The following ST7 variants were observed in gnomAD, a reference collection of about 807,000 sequenced individuals.
ST7 encodes the protein suppressor of tumorigenicity 7 protein.
Under a neutral mutation model 78.7 loss-of-function variants are expected in ST7, and 28 were observed. The observed-to-expected ratio is 0.36, with a 90% CI of 0.26 to 0.49. ST7 has a LOEUF of 0.49. ST7 is among the 20% of genes least tolerant of loss of function. ST7 has a pLI of 0.99. For missense variants in ST7, 418 were observed against 696.0 expected (o/e 0.60, Z 4.49); for synonymous variants, 247 against 249.6 (o/e 0.99, Z 0.10).
intron 1 of ST7, among the ~76,000 whole-genome samples, chr7:117,008,890 A>G (rs765141523): frequency 5.3e-5 from 8 of 152,134 alleles, no homozygotes; most frequent in Non-Finnish European, 1.2e-4. Context: ...TTTTTTTAAC[A>G]TTTTTAAATC....
chr7:117,075,855 G>A (rs1366865874), intron 1 of ST7, among the ~76,000 whole-genome samples: 2 of 152,042 alleles, frequency 1.3e-5, no homozygotes, highest in Non-Finnish European at 2.9e-5. Context: ...TGACCCTTCT[G>A]GCATTAAAAA....
chr7:117,077,670 A>G (rs371181724), intron 1 of ST7, among the ~76,000 whole-genome samples: 97 of 152,292 alleles, frequency 6.4e-4, no homozygotes, highest in Non-Finnish European at 1.2e-3. Flanking sequence ...GAGTTTAACC[A>G]TTTAGAATGG....
At chr7:117,043,027 T>G (rs571671718) in intron 1 of ST7, among the ~76,000 whole-genome samples, 20 of 152,312 alleles carry the variant, frequency 1.3e-4, no homozygotes, top group Admixed American at 1.3e-3. Flanking sequence ...TTAAGTAATG[T>G]TTTGAACCTC....
intron 1 of ST7, chr7:117,073,049 C>T (rs968386455): frequency 1.3e-5 from 2 of 152,194 alleles, no homozygotes; most frequent in African/African-American, 4.8e-5. Context: ...TGGCACCAGA[C>T]AGGAAACATT....
At chr7:117,132,381 A>G (rs183062667) in intron 6 of ST7, among the ~76,000 whole-genome samples, 162 of 151,994 alleles carry the variant, frequency 1.1e-3, no homozygotes, top group African/African-American at 3.9e-3. Context: ...AAAATTTTAG[A>G]AAATACTTCA....
At chr7:116,970,939 A>G (rs1251482254) in intron 1 of ST7, among the ~76,000 whole-genome samples, 3 of 152,158 alleles carry the variant, frequency 2.0e-5, no homozygotes, top group African/African-American at 7.2e-5. Context: ...ATTTGTCAAT[A>G]TTCAGTATCA....
In ST7 at chr7:117,209,825, A is replaced by G. The variant is rs1792139728; in HGVS notation, c.1293A>G (p.Glu431=). Residue 431 remains glutamate (E), a synonymous_variant, in exon 13 of 16, where the codon GAA becomes GAG. Transcript: ENST00000323984. ...LEMKSLILPP[E]HILKRGDSEA... ...TGAAAAGCTTAATCCTACCCCCAGA[A>G]CATATCCTGAAGAGAGGAGACAGTG... 2.5e-6 allele frequency: 4 copies of G among 1,613,976 alleles called. No individual in the cohort carries two copies. In the African/African-American group the frequency reaches 4.0e-5, roughly 16 times the overall value.
intron 12 of ST7, among the ~76,000 whole-genome samples, chr7:117,199,573 C>T (rs1584580369): frequency 6.6e-6 from 1 of 152,226 alleles, no homozygotes; most frequent in East Asian, 1.9e-4. Context: ...AACCTTCCTG[C>T]TGCTGTCCAT....
intron 9 of ST7, among the ~76,000 whole-genome samples, chr7:117,141,361 A>C (rs888944959): frequency 6.6e-6 from 1 of 152,250 alleles, no homozygotes; most frequent in Admixed American, 6.5e-5. Flanking sequence ...ATTCTAAAAA[A>C]AAATGAAAGG....
chr7:117,067,681 C>T (rs1460487879), intron 1 of ST7, among the ~76,000 whole-genome samples: 1 of 152,034 alleles, frequency 6.6e-6, no homozygotes, highest in Non-Finnish European at 1.5e-5. Flanking sequence ...AATAATTGGA[C>T]GATGCAAAGA....
At chr7:117,147,897 CA>C in intron 9 of ST7, among the ~76,000 whole-genome samples, 1 of 120,470 alleles carries the variant, frequency 8.3e-6, no homozygotes, top group Admixed American at 8.2e-5. Flanking sequence ...AGAAAGCATA[CA>C]TCATATGATA....
intron 12 of ST7, among the ~76,000 whole-genome samples, chr7:117,201,119 CAGAAATTCAAA>C (rs1810806084): frequency 6.6e-6 from 1 of 152,014 alleles, no homozygotes; most frequent in African/African-American, 2.4e-5. Context: ...AGCGTGGAAG[CAGAAATTCAAA>C]ATACCCTGGC....
chr7:116,999,144 C>T (rs796455472), intron 1 of ST7, among the ~76,000 whole-genome samples: 8 of 152,252 alleles, frequency 5.3e-5, no homozygotes, highest in African/African-American at 1.9e-4. Context: ...TACTGCCTTC[C>T]AAATTGCTTG....
intron 9 of ST7, among the ~76,000 whole-genome samples, chr7:117,150,975 T>C (rs1480476282): frequency 6.6e-6 from 1 of 152,218 alleles, no homozygotes; most frequent in Non-Finnish European, 1.5e-5. Context: ...ATTCAATTAA[T>C]ATGTGCAAGT....
intron 1 of ST7, among the ~76,000 whole-genome samples, chr7:117,014,195 T>C (rs1365961301): frequency 6.6e-6 from 1 of 152,236 alleles, no homozygotes; most frequent in Non-Finnish European, 1.5e-5. Flanking sequence ...AAAATTTATT[T>C]ATGTTTCGTC....
chr7:117,140,520 G>T (rs200017635), intron 9 of ST7, among the ~76,000 whole-genome samples: 1 of 151,794 alleles, frequency 6.6e-6, no homozygotes, highest in Non-Finnish European at 1.5e-5. Flanking sequence ...ATTTTTCTCC[G>T]TTATATAAAT....
intron 12 of ST7, among the ~76,000 whole-genome samples, chr7:117,197,314 A>G: frequency 6.6e-6 from 1 of 152,326 alleles, no homozygotes; most frequent in African/African-American, 2.4e-5. Flanking sequence ...GGGACTGTGC[A>G]CACAGCGTAA....
intron 1 of ST7, among the ~76,000 whole-genome samples, chr7:117,053,784 G>T (rs554152644): frequency 6.6e-6 from 1 of 152,264 alleles, no homozygotes; most frequent in South Asian, 2.1e-4. Context: ...GTTATGTATG[G>T]TGTGGGAGAG....
At chr7:117,134,304 G>T in intron 7 of ST7, 112 bp downstream of exon 7, 2 of 1,507,408 alleles carry the variant, frequency 1.3e-6, no homozygotes, top group Non-Finnish European at 1.8e-6. Context: ...TATGTGTATT[G>T]TGTTGTGACA....
Sources: gnomAD v4.1 joint callset for allele counts (sites outside exome capture counted in the v4.1 genomes callset) on GRCh38, gnomAD v4.1.1 for gene constraint, MANE v1.5 for transcripts, NCBI Gene and HGNC (gene_info 2026-07-23, HGNC 2026-07-21) for gene names.